MAGI2: variants seen among roughly 807,000 people sequenced by gnomAD.
MAGI2 encodes membrane associated guanylate kinase, WW and PDZ domain containing 2, also known as membrane-associated guanylate kinase, WW and PDZ domain-containing protein 2.
MAGI2 carries 35 observed loss-of-function variants against 133.3 expected under a neutral mutation model. The ratio of observed to expected loss-of-function variants is 0.26; its 90% CI spans 0.20 to 0.35. The LOEUF (loss-of-function observed/expected upper bound fraction) is 0.35. Ranked by LOEUF, MAGI2 falls within the 10% of genes least tolerant of loss-of-function variation. The pLI, the probability that MAGI2 is intolerant of heterozygous loss-of-function variation, is 1.00. For synonymous variants in MAGI2, 729 were observed against 710.6 expected, an observed-to-expected ratio of 1.03 and a Z score of -0.41; for missense variants, 1,636 against 1,863.4, an observed-to-expected ratio of 0.88 and a Z score of 2.25.
At chr7:78,755,740 G>A (rs906522499) in intron 2 of MAGI2, among the ~76,000 whole-genome samples, 6 of 152,164 alleles carry the variant, frequency 3.9e-5, no homozygotes, top group Non-Finnish European at 5.9e-5. Flanking sequence ...AAGGCATATA[G>A]TTTGATGTAA....
chr7:79,191,055 T>C (rs539479384), intron 1 of MAGI2, among the ~76,000 whole-genome samples: 1 of 152,010 alleles, frequency 6.6e-6, no homozygotes, highest in African/African-American at 2.4e-5. Context: ...AGCATTGCAC[T>C]ACTCTGTTTT....
intron 3 of MAGI2, chr7:78,616,287 C>T (rs958034711): frequency 9.9e-5 from 15 of 152,142 alleles, no homozygotes; most frequent in Non-Finnish European, 2.2e-4. Context: ...TTTTCTCTAA[C>T]TCTCCACTGA....
chr7:79,065,931 G>A (rs1814273654), intron 1 of MAGI2, among the ~76,000 whole-genome samples: 1 of 152,130 alleles, frequency 6.6e-6, no homozygotes, highest in Non-Finnish European at 1.5e-5. Flanking sequence ...TGGTGTATAT[G>A]TGCCACATTT....
chr7:79,364,295 T>C (rs1842552094), intron 1 of MAGI2, among the ~76,000 whole-genome samples: 1 of 152,018 alleles, frequency 6.6e-6, no homozygotes, highest in Non-Finnish European at 1.5e-5. Context: ...AAGACTATGG[T>C]TAATACCTAT....
chr7:78,485,863 C>A (rs1388106799), intron 6 of MAGI2: 1 of 151,982 alleles, frequency 6.6e-6, no homozygotes, highest in Non-Finnish European at 1.5e-5. Context: ...AAAATTACTG[C>A]ACTAAAATTT....
chr7:78,797,122 A>C (rs111844267), intron 2 of MAGI2, among the ~76,000 whole-genome samples: 6,470 of 152,220 alleles, frequency 0.043, 401 homozygotes, highest in African/African-American at 0.14. Flanking sequence ...AAATAGCTAG[A>C]AGAGAAGAAT....
intron 1 of MAGI2, among the ~76,000 whole-genome samples, chr7:79,450,201 G>T (rs1426035324): frequency 6.6e-6 from 1 of 151,956 alleles, no homozygotes; most frequent in African/African-American, 2.4e-5. Flanking sequence ...AACAAACCAT[G>T]TTTAAGTTTT....
At chr7:78,075,376 C>CTTTT (rs34396344) in intron 21 of MAGI2, among the ~76,000 whole-genome samples, 6 of 126,520 alleles carry the variant, frequency 4.7e-5, no homozygotes, top group African/African-American at 9.4e-5. Flanking sequence ...TGTAATAAAT[C>CTTTT]TTTTTTTTTT....
chr7:78,372,233 T>A (rs886491557), intron 6 of MAGI2, among the ~76,000 whole-genome samples: 1 of 151,034 alleles, frequency 6.6e-6, no homozygotes, highest in African/African-American at 2.4e-5. Flanking sequence ...AGACAAGTCA[T>A]CAAAAAAACT....
rs1158477695 is a variant in MAGI2, at chr7:78,955,723, C to CTCTTTCTT, written c.418+51359_418+51366dup. Among the ~76,000 whole-genome samples, 572 of 83,458 alleles carry CTCTTTCTT rather than the reference C, an allele frequency of 6.9e-3. 2 individuals are homozygous for CTCTTTCTT. Among genetic ancestry groups the CTCTTTCTT allele is most frequent in the Middle Eastern group, 0.019 (3 of 156 alleles). 54.8% of individuals were successfully genotyped at this position (83,458 alleles called of 152,430 possible). A position where few individuals can be genotyped will look rare whatever the true frequency, so the allele number is the denominator to read the frequency against. On this transcript the variant is annotated intron_variant, in intron 2 of 21. Coordinates refer to ENST00000354212, the MANE Select transcript of MAGI2 (RefSeq NM_012301.4). ...TCCCTTTCTTTCTTTTTCTTTCTTT[C>CTCTTTCTT]TCTTTCTTTCTTTCTTTCTTTCTTT...
chr7:79,057,392 T>C (rs922443152), intron 1 of MAGI2, among the ~76,000 whole-genome samples: 1 of 152,200 alleles, frequency 6.6e-6, no homozygotes, highest in African/African-American at 2.4e-5. Flanking sequence ...ATTGCTATTT[T>C]AAAGGTTAAA....
Position 78,573,732 on chromosome 7 carries a change from G to A in MAGI2, c.539-52087C>T, listed in dbSNP as rs1014266894. Reference sequence around the variant, plus strand: ...AAAAATTTGATTGTATGATCTGTGCGAGTGGGTGGGGCTCATCCACTGATG... The same window carrying A: ...AAAAATTTGATTGTATGATCTGTGCAAGTGGGTGGGGCTCATCCACTGATG... On this transcript the variant is annotated intron_variant, in intron 3 of 21. Transcript: ENST00000354212. Among the ~76,000 whole-genome samples, 6 of 151,800 alleles carry A rather than the reference G, an allele frequency of 4.0e-5. No homozygotes were observed. The East Asian group carries it at 5.8e-4, about 15-fold the overall frequency.
chr7:78,813,479 A>G (rs1789252717), intron 2 of MAGI2, among the ~76,000 whole-genome samples: 1 of 152,178 alleles, frequency 6.6e-6, no homozygotes, highest in African/African-American at 2.4e-5. Flanking sequence ...CTCAATTTCA[A>G]TTTATGAGCA....
chr7:79,248,436 C>T, intron 1 of MAGI2, among the ~76,000 whole-genome samples: 1 of 152,170 alleles, frequency 6.6e-6, no homozygotes, highest in Non-Finnish European at 1.5e-5. Context: ...TTCACAACCA[C>T]ATTTTCAGCA....
intron 2 of MAGI2, among the ~76,000 whole-genome samples, chr7:78,652,075 G>A (rs1496769): frequency 0.26 from 39,525 of 151,872 alleles, 5,539 homozygotes; most frequent in African/African-American, 0.34. Flanking sequence ...CACAACTGTC[G>A]AATGAGTTAA....
intron 3 of MAGI2, among the ~76,000 whole-genome samples, chr7:78,550,756 G>GTT (rs35785592): frequency 1.1e-3 from 158 of 147,140 alleles, no homozygotes; most frequent in Middle Eastern, 3.6e-3. Context: ...CCTCTGAACA[G>GTT]TTTTTTTTTT....
intron 2 of MAGI2, among the ~76,000 whole-genome samples, chr7:78,647,046 A>C (rs979111766): frequency 4.6e-5 from 7 of 152,196 alleles, no homozygotes; most frequent in Non-Finnish European, 1.0e-4. Flanking sequence ...AAAATACATA[A>C]ACATATTGAC....
At chr7:78,768,137 C>G (rs1247520791) in intron 2 of MAGI2, among the ~76,000 whole-genome samples, 2 of 152,206 alleles carry the variant, frequency 1.3e-5, no homozygotes, top group African/African-American at 4.8e-5. Context: ...TCTCCAAGAT[C>G]CAGCAAGCTC....
At chr7:78,460,172 A>G (rs1193204043) in intron 6 of MAGI2, among the ~76,000 whole-genome samples, 1 of 152,240 alleles carries the variant, frequency 6.6e-6, no homozygotes, top group Non-Finnish European at 1.5e-5. Context: ...AAACATCCAG[A>G]AACAAATCCT....
Sources: allele counts gnomAD v4.1 joint callset (sites outside exome capture counted in the v4.1 genomes callset), GRCh38; gene constraint gnomAD v4.1.1; transcripts MANE v1.5; gene names NCBI Gene and HGNC (gene_info 2026-07-23, HGNC 2026-07-21).